The following VIRMA variants were observed in gnomAD, a reference collection of about 807,000 sequenced individuals.
VIRMA encodes the protein vir like m6A methyltransferase associated.
In VIRMA, 65 loss-of-function variants were observed where a neutral mutation model predicts 182.4. The ratio of observed to expected loss-of-function variants is 0.36; its 90% CI spans 0.29 to 0.44. The LOEUF is 0.44. VIRMA is among the 20% of genes least tolerant of loss of function. The probability of loss-of-function intolerance (pLI) is 1.00; values close to 1 mark genes in which losing one functional copy is unlikely to be tolerated. For missense variants in VIRMA, 1,752 were observed against 2,158.1 expected (o/e 0.81, Z 3.73); for synonymous variants, 709 against 743.1 (o/e 0.95, Z 0.75).
chr8:94,531,598 A>C (rs2130362237), intron 5 of VIRMA, among the ~76,000 whole-genome samples: 1 of 152,302 alleles, frequency 6.6e-6, no homozygotes, highest in East Asian at 1.9e-4. Context: ...CCTTCCTGGC[A>C]TCTTAACAGA....
At position 94,538,263 on chromosome 8, in the gene VIRMA, CCCAA is replaced by C; in HGVS notation, c.259_262del (p.Leu87GlufsTer19). 6.2e-7 allele frequency: 1 copy of C among 1,607,476 alleles called. No homozygotes were observed. Among genetic ancestry groups the C allele is most frequent in the Non-Finnish European group, 8.5e-7 (1 of 1,174,116 alleles). On this transcript the variant is annotated frameshift_variant, in exon 3 of 24. Transcript: ENST00000297591. LOFTEE classifies it high-confidence loss of function. ...AAATTACCTAGCAGGTACATACCTT[CCCAA>C]CCTATCGAAAACAGGGGCACTTGGT...
At chr8:94,501,481 C>T (rs774654435) in intron 16 of VIRMA, among the ~76,000 whole-genome samples, 1 of 152,134 alleles carries the variant, frequency 6.6e-6, no homozygotes, top group Non-Finnish European at 1.5e-5. Flanking sequence ...TCCGATTGCT[C>T]AATTTGTTTC....
At chr8:94,545,928 A>G (rs1815742091) in intron 1 of VIRMA, among the ~76,000 whole-genome samples, 1 of 152,022 alleles carries the variant, frequency 6.6e-6, no homozygotes, top group South Asian at 2.1e-4. Flanking sequence ...ATGGTAGCAC[A>G]TGCCTGTAGT....
intron 1 of VIRMA, among the ~76,000 whole-genome samples, chr8:94,544,775 T>A (rs1022497729): frequency 6.6e-6 from 1 of 151,868 alleles, no homozygotes; most frequent in Non-Finnish European, 1.5e-5. Context: ...TTGGTGTAAG[T>A]TTTTTGCCAT....
chr8:94,506,090 T>G (rs375622771), intron 16 of VIRMA, among the ~76,000 whole-genome samples: 6 of 152,324 alleles, frequency 3.9e-5, no homozygotes, highest in African/African-American at 1.4e-4. Flanking sequence ...CTGTAGATTT[T>G]GGTATCCAAT....
intron 16 of VIRMA, among the ~76,000 whole-genome samples, chr8:94,499,727 C>T (rs965747752): frequency 1.3e-5 from 2 of 151,970 alleles, no homozygotes; most frequent in African/African-American, 4.8e-5. Flanking sequence ...AAAAAAAATT[C>T]CCCCAAATAA....
At chr8:94,506,868 G>T in intron 15 of VIRMA, 151 bp from the exon 16 acceptor site, 1 of 525,142 alleles carries the variant, frequency 1.9e-6, no homozygotes. Flanking sequence ...AACACATTAA[G>T]AATAATGAAA....
chr8:94,493,995 C>A (rs1165110679), intron 20 of VIRMA, among the ~76,000 whole-genome samples: 1 of 152,196 alleles, frequency 6.6e-6, no homozygotes, highest in Non-Finnish European at 1.5e-5. Context: ...TCACAAGTTT[C>A]CAAACTGAGA....
At chr8:94,517,436 C>T (rs1239285818) in intron 10 of VIRMA, among the ~76,000 whole-genome samples, 1 of 152,224 alleles carries the variant, frequency 6.6e-6, no homozygotes. Context: ...CTCCTGACCT[C>T]AGGTGATCCA....
chr8:94,533,363 A>G (rs1164738704), intron 5 of VIRMA, among the ~76,000 whole-genome samples: 2 of 152,216 alleles, frequency 1.3e-5, no homozygotes, highest in Admixed American at 1.3e-4. Flanking sequence ...CTAATTATAA[A>G]GCAAAATATT....
At chr8:94,552,330 C>G (rs1455648063) in intron 1 of VIRMA, among the ~76,000 whole-genome samples, 1 of 151,648 alleles carries the variant, frequency 6.6e-6, no homozygotes, top group Non-Finnish European at 1.5e-5. Flanking sequence ...TCATTACTAT[C>G]TCATAAAAGA....
intron 15 of VIRMA, among the ~76,000 whole-genome samples, chr8:94,508,320 G>A (rs1032306125): frequency 1.3e-5 from 2 of 152,160 alleles, no homozygotes; most frequent in East Asian, 3.9e-4. Context: ...TCCTGATCTC[G>A]TGATCCACCC....
At chr8:94,544,730 T>C (rs544587277) in intron 1 of VIRMA, among the ~76,000 whole-genome samples, 3 of 150,644 alleles carry the variant, frequency 2.0e-5, no homozygotes, top group Non-Finnish European at 4.4e-5. Flanking sequence ...TTAGACTGCA[T>C]GGCCAAATGA....
At chr8:94,509,487 TA>T (rs1477047727) in intron 15 of VIRMA, among the ~76,000 whole-genome samples, 200 bp downstream of exon 15, 1 of 151,266 alleles carries the variant, frequency 6.6e-6, no homozygotes, top group Non-Finnish European at 1.5e-5. Flanking sequence ...CACTGGCACA[TA>T]AAGCAATTAC....
rs1813611237 is a variant in VIRMA, at chr8:94,491,660, G to A, written c.5058C>T (p.Ser1686=). 2 of 1,614,072 alleles carry A rather than the reference G, an allele frequency of 1.2e-6. No homozygotes were observed. The highest frequency in any genetic ancestry group is 1.7e-6 in the Non-Finnish European group (2 of 1,180,004). The part of the protein sequence containing the change: ...RPLKVSQKIS[S]RGGFSGNRGG... The stretch of plus-strand genomic sequence containing the variant: ...CTCTATTGCCTGAAAACCCACCACG[G>A]GAAGAAATCTTCTGTGATACTTTGA... Residue 1686 remains serine (S), a synonymous_variant, in exon 22 of 24, where the codon TCC becomes TCT. Coordinates refer to ENST00000297591, the MANE Select transcript of VIRMA (RefSeq NM_015496.5).
rs749984778 is a variant in VIRMA, at chr8:94,537,159, G to T, written c.267-8C>A. On this transcript the variant is annotated splice_polypyrimidine_tract_variant and splice_region_variant and intron_variant, in intron 3 of 23. Coordinates refer to ENST00000297591, the MANE Select transcript of VIRMA (RefSeq NM_015496.5). ...TTCTCATCATATTCCAGGCTGTCAA[G>T]AGAGTAGAAATAAATATGTAAGCTC... 2 of 1,572,932 alleles carry T rather than the reference G, an allele frequency of 1.3e-6. No homozygotes were observed. The highest frequency in any genetic ancestry group is 1.7e-6 in the Non-Finnish European group (2 of 1,142,864).
chr8:94,515,098 C>CA, intron 10 of VIRMA, 147 bp from the exon 11 acceptor site: 4 of 314,830 alleles, frequency 1.3e-5, no homozygotes, highest in Non-Finnish European at 1.7e-5. Context: ...GCATCTAATT[C>CA]TTTTTTTTTT....
In VIRMA at chr8:94,526,069, T is replaced by C. The variant is rs113990457; in HGVS notation, c.2021+154A>G. 6.8e-3 allele frequency among the ~76,000 whole-genome samples: 1,031 copies of C among 152,358 alleles called. 7 individuals are homozygous for C. Among genetic ancestry groups the C allele is most frequent in the African/African-American group, 0.023 (959 of 41,586 alleles). On this transcript the variant is annotated intron_variant, in intron 8 of 23. Coordinates refer to ENST00000297591, the MANE Select transcript of VIRMA (RefSeq NM_015496.5). Reference sequence around the variant, plus strand: ...TATAAGCTCACCCACAGTAACATACTTCTCAGTTCCACTACTAAATAACCG... The same window carrying C: ...TATAAGCTCACCCACAGTAACATACCTCTCAGTTCCACTACTAAATAACCG...
chr8:94,542,202 G>A (rs1233884182), intron 2 of VIRMA, among the ~76,000 whole-genome samples: 4 of 152,170 alleles, frequency 2.6e-5, no homozygotes, highest in Non-Finnish European at 4.4e-5. Flanking sequence ...TGGTAAAGAT[G>A]ATAATATGTC....
Sources: allele counts gnomAD v4.1 joint callset (sites outside exome capture counted in the v4.1 genomes callset), GRCh38; gene constraint gnomAD v4.1.1; transcripts MANE v1.5; gene names NCBI Gene and HGNC (gene_info 2026-07-23, HGNC 2026-07-21).